NAV3: variants seen among roughly 807,000 people sequenced by gnomAD.
The protein encoded by NAV3 is neuron navigator 3, also known as pore membrane and/or filament interacting like protein 1.
Under a neutral mutation model 244.7 loss-of-function variants are expected in NAV3, and 87 were observed. The observed-to-expected ratio is 0.36, with a 90% CI of 0.30 to 0.42. The LOEUF is 0.42. NAV3 is among the 20% of genes least tolerant of loss of function. NAV3 has a pLI of 1.00. For missense variants in NAV3, 2,663 were observed against 2,893.3 expected (o/e 0.92, Z 1.83); for synonymous variants, 1,126 against 1,042.2 (o/e 1.08, Z -1.55).
intron 38 of NAV3, among the ~76,000 whole-genome samples, chr12:78,201,160 A>C (rs1206474656): frequency 6.8e-6 from 1 of 147,652 alleles, no homozygotes; most frequent in Non-Finnish European, 1.5e-5. Flanking sequence ...GCAGCCTCGA[A>C]CTTTTGGGCT....
chr12:77,955,453 C>A (rs986041279), intron 3 of NAV3, among the ~76,000 whole-genome samples: 1 of 152,164 alleles, frequency 6.6e-6, no homozygotes, highest in Non-Finnish European at 1.5e-5. Context: ...GTGATCAACA[C>A]TTTTATAATA....
chr12:77,705,356 A>T (rs1302134310), intron 2 of NAV3, among the ~76,000 whole-genome samples: 7 of 151,348 alleles, frequency 4.6e-5, no homozygotes, highest in Non-Finnish European at 8.8e-5. Context: ...GGAGGTGGAG[A>T]TTGCACCACT....
intron 2 of NAV3, among the ~76,000 whole-genome samples, chr12:77,681,200 C>T (rs779692705): frequency 2.6e-5 from 4 of 152,178 alleles, no homozygotes; most frequent in Admixed American, 6.5e-5. Context: ...AGTTCTCCAA[C>T]TTACTTCATC....
chr12:77,969,142 A>ATGTGTG lies in NAV3; in HGVS notation c.671+463_671+468dup, dbSNP rs3078729. 8.8e-3 allele frequency among the ~76,000 whole-genome samples: 1,306 copies of ATGTGTG among 147,786 alleles called. 15 individuals carry two copies. Among genetic ancestry groups the ATGTGTG allele is most frequent in the African/African-American group, 0.031 (1,214 of 39,730 alleles). ...GAAGTTTGGGAACATAGTGTTTTTG[A>ATGTGTG]TGTGTGTGTGTGTGTGTGTGTGTGT... On this transcript the variant is annotated intron_variant, in intron 5 of 39. Transcript: ENST00000397909.
In NAV3 at chr12:77,604,782, C is replaced by T. The variant is rs568800010; in HGVS notation, c.72+32516C>T. ...TAGCGAAATTTAAATGGTGCTTTTTCGTAAAGTTCCAATTAGGTTGGGGAT... is the reference window on the plus strand; with the variant it reads ...TAGCGAAATTTAAATGGTGCTTTTTTGTAAAGTTCCAATTAGGTTGGGGAT... On this transcript the variant is annotated intron_variant, in intron 2 of 8. Coordinates refer to the NAV3 transcript ENST00000550042. Among the ~76,000 whole-genome samples, 4 of 151,974 alleles carry T rather than the reference C, an allele frequency of 2.6e-5. No homozygotes were observed. In the South Asian group the frequency reaches 6.2e-4, roughly 24 times the overall value.
intron 1 of NAV3, among the ~76,000 whole-genome samples, chr12:77,903,877 A>G (rs1885623724): frequency 6.6e-6 from 1 of 152,234 alleles, no homozygotes; most frequent in African/African-American, 2.4e-5. Context: ...TTATGCAGCC[A>G]AAAGACACAT....
At chr12:77,619,197 T>C (rs146455516) in intron 2 of NAV3, among the ~76,000 whole-genome samples, 1 of 152,346 alleles carries the variant, frequency 6.6e-6, no homozygotes, top group Non-Finnish European at 1.5e-5. Context: ...CGTGATTCTT[T>C]GTGCTTCTTC....
At chr12:77,904,009 G>T (rs925305567) in intron 1 of NAV3, among the ~76,000 whole-genome samples, 2 of 152,124 alleles carry the variant, frequency 1.3e-5, no homozygotes, top group African/African-American at 2.4e-5. Flanking sequence ...GTGCTGGAGA[G>T]GATGTGGAGA....
chr12:78,014,006 A>T (rs116563873), intron 8 of NAV3, among the ~76,000 whole-genome samples: 1 of 152,158 alleles, frequency 6.6e-6, no homozygotes, highest in African/African-American at 2.4e-5. Context: ...CTTTCAAAAA[A>T]TACCTCCCTT....
At chr12:77,586,879 G>A (rs1178363028) in intron 2 of NAV3, among the ~76,000 whole-genome samples, 1 of 152,134 alleles carries the variant, frequency 6.6e-6, no homozygotes, top group Non-Finnish European at 1.5e-5. Flanking sequence ...AAATGTTCTG[G>A]TGAGAATACA....
intron 20 of NAV3, 30 bp from the exon 21 acceptor site, chr12:78,146,339 G>A (rs778318532): frequency 5.2e-5 from 52 of 1,009,546 alleles, no homozygotes; most frequent in Non-Finnish European, 7.0e-5. Flanking sequence ...AGTTTTTATA[G>A]TTAAAGTCTT....
intron 1 of NAV3, among the ~76,000 whole-genome samples, chr12:77,919,109 A>G (rs2137144776): frequency 6.6e-6 from 1 of 152,194 alleles, no homozygotes; most frequent in African/African-American, 2.4e-5. Flanking sequence ...AAGAATTAGA[A>G]ACTTTATCTT....
At chr12:77,862,409 A>AT (rs1162402417) in intron 1 of NAV3, among the ~76,000 whole-genome samples, 4 of 151,080 alleles carry the variant, frequency 2.6e-5, no homozygotes, top group African/African-American at 9.7e-5. Flanking sequence ...TGAGTTTTGT[A>AT]ATGACAGAAG....
chr12:77,825,075 T>C (rs1167164290), intron 2 of NAV3, among the ~76,000 whole-genome samples: 1 of 152,198 alleles, frequency 6.6e-6, no homozygotes, highest in African/African-American at 2.4e-5. Flanking sequence ...GTGGCATCTT[T>C]ACTGAAGAAG....
intron 2 of NAV3, among the ~76,000 whole-genome samples, chr12:77,676,736 C>A (rs1393806618): frequency 6.6e-6 from 1 of 151,984 alleles, no homozygotes; most frequent in Non-Finnish European, 1.5e-5. Context: ...GCATGTGGAG[C>A]TTAAAACCTT....
At chr12:77,900,570 G>A (rs926147666) in intron 1 of NAV3, among the ~76,000 whole-genome samples, 12 of 148,686 alleles carry the variant, frequency 8.1e-5, no homozygotes, top group African/African-American at 1.2e-4. Flanking sequence ...ATGCACACGC[G>A]TATGTGTGTG....
intron 1 of NAV3, among the ~76,000 whole-genome samples, chr12:77,847,512 G>A (rs1876842214): frequency 6.6e-6 from 1 of 152,132 alleles, no homozygotes; most frequent in African/African-American, 2.4e-5. Flanking sequence ...CCAACTGAAA[G>A]CAACAGGGCA....
At chr12:77,790,340 T>G (rs1429526951) in intron 2 of NAV3, among the ~76,000 whole-genome samples, 1 of 152,220 alleles carries the variant, frequency 6.6e-6, no homozygotes, top group Non-Finnish European at 1.5e-5. Context: ...GTACTCAGTA[T>G]GTCTAAGAGA....
chr12:78,033,846 CA>C (rs1429508765), intron 9 of NAV3, among the ~76,000 whole-genome samples: 1 of 152,050 alleles, frequency 6.6e-6, no homozygotes, highest in Non-Finnish European at 1.5e-5. Flanking sequence ...AAATGAAATA[CA>C]AGTGGAAAAA....
Sources: allele counts gnomAD v4.1 joint callset (sites outside exome capture counted in the v4.1 genomes callset), GRCh38; gene constraint gnomAD v4.1.1; transcripts MANE v1.5; gene names NCBI Gene and HGNC (gene_info 2026-07-23, HGNC 2026-07-21).